Variants in SDK1 observed in about 807,000 individuals in gnomAD.
SDK1 encodes the protein protein sidekick-1.
SDK1 carries 157 observed loss-of-function variants against 245.5 expected under a neutral mutation model. That is an observed-to-expected ratio of 0.64 (90% CI 0.56 to 0.73). SDK1 has a LOEUF of 0.73. Among genes scored for constraint, SDK1 ranks in the 30% least tolerant of loss-of-function variants. The pLI is 0.00. For missense variants in SDK1, 3,583 were observed against 3,002.3 expected (o/e 1.19, Z -4.52); for synonymous variants, 1,647 against 1,278.5 (o/e 1.29, Z -6.15).
At chr7:3,327,005 C>G (rs1156831405) in intron 1 of SDK1, among the ~76,000 whole-genome samples, 5 of 152,118 alleles carry the variant, frequency 3.3e-5, no homozygotes, top group Admixed American at 2.6e-4. Context: ...TAATTTAGCT[C>G]TTAGGTTGAA....
intron 1 of SDK1, among the ~76,000 whole-genome samples, chr7:3,465,861 G>T (rs1336291973): frequency 6.6e-6 from 1 of 152,158 alleles, no homozygotes; most frequent in Admixed American, 6.5e-5. Context: ...CAGCCATAGG[G>T]ACGTGCAGAG....
At chr7:3,577,259 C>T (rs1780324465) in intron 1 of SDK1, among the ~76,000 whole-genome samples, 1 of 152,070 alleles carries the variant, frequency 6.6e-6, no homozygotes, top group Admixed American at 6.5e-5. Context: ...GTCCCAGTAA[C>T]AATGAGAATA....
In SDK1 at chr7:4,260,541, T is replaced by C. The variant is rs1351263765; in HGVS notation, c.6382-4583T>C. 2.1e-5 allele frequency among the ~76,000 whole-genome samples: 2 copies of C among 94,634 alleles called. 1 individual carries two copies. Among genetic ancestry groups the C allele is most frequent in the African/African-American group, 8.7e-5 (2 of 23,074 alleles). 62.1% of individuals were successfully genotyped at this position (94,634 alleles called of 152,430 possible). On this transcript the variant is annotated intron_variant, in intron 44 of 44. Coordinates refer to ENST00000404826, the MANE Select transcript of SDK1 (RefSeq NM_152744.4). The stretch of plus-strand genomic sequence containing the variant: ...TCCGGGGTCTCTGTGTGTGGGAAGA[T>C]GTGTTCATCGTCACCTGATGGAGAA...
chr7:3,830,178 G>A (rs1779879516), intron 5 of SDK1, among the ~76,000 whole-genome samples: 1 of 152,120 alleles, frequency 6.6e-6, no homozygotes, highest in South Asian at 2.1e-4. Flanking sequence ...AGGGAGTAAG[G>A]CAAGCACTTG....
At chr7:3,911,992 C>A (rs1425839007) in intron 5 of SDK1, among the ~76,000 whole-genome samples, 2 of 152,014 alleles carry the variant, frequency 1.3e-5, no homozygotes, top group South Asian at 2.1e-4. Flanking sequence ...AGGGAAGGGG[C>A]CAACTTGAGC....
chr7:3,406,496 G>C (rs1010701414), intron 1 of SDK1, among the ~76,000 whole-genome samples: 9 of 152,282 alleles, frequency 5.9e-5, no homozygotes, highest in East Asian at 1.9e-4. Context: ...GACAGACCTT[G>C]TTTAAATCTT....
chr7:3,979,711 G>A (rs964051770), intron 13 of SDK1, among the ~76,000 whole-genome samples: 1 of 152,146 alleles, frequency 6.6e-6, no homozygotes, highest in African/African-American at 2.4e-5. Flanking sequence ...TGTTTTAGTA[G>A]CGTCTTTGCT....
Position 3,878,938 on chromosome 7 carries a change from A to G in SDK1, c.847+57355A>G, listed in dbSNP as rs543816601. Among the ~76,000 whole-genome samples, 5 of 152,310 alleles carry G rather than the reference A, an allele frequency of 3.3e-5. No homozygotes were observed. In the East Asian group the frequency reaches 7.7e-4, roughly 24 times the overall value. ...AGCCTGTGTAATCGCCACTCAGGTC[A>G]AGATAAAAAAAAATTTTAATTAACA... On this transcript the variant is annotated intron_variant, in intron 5 of 44. Coordinates refer to ENST00000404826, the MANE Select transcript of SDK1 (RefSeq NM_152744.4).
Position 3,786,216 on chromosome 7 carries a change from C to A in SDK1, c.714-35234C>A, listed in dbSNP as rs146340388. Reference sequence around the variant, plus strand: ...AAAGCATTTATGTACTGGACAGAAGCATGTCTTGGATGACTTAAAGTGCAG... The same window carrying A: ...AAAGCATTTATGTACTGGACAGAAGAATGTCTTGGATGACTTAAAGTGCAG... On this transcript the variant is annotated intron_variant, in intron 4 of 44. Coordinates refer to ENST00000404826, the MANE Select transcript of SDK1 (RefSeq NM_152744.4). Among the ~76,000 whole-genome samples the A allele has an allele frequency of 4.6e-5, 7 of 152,302 alleles. No individual in the cohort carries two copies. In the East Asian group the frequency reaches 1.4e-3, roughly 29 times the overall value.
At chr7:4,259,160 C>T in intron 44 of SDK1, among the ~76,000 whole-genome samples, 1 of 152,124 alleles carries the variant, frequency 6.6e-6, no homozygotes, top group Non-Finnish European at 1.5e-5. Context: ...TTAAACAGGC[C>T]AGGTGCAGGG....
At chr7:3,533,060 T>G (rs540241039) in intron 1 of SDK1, among the ~76,000 whole-genome samples, 15 of 152,334 alleles carry the variant, frequency 9.8e-5, no homozygotes, top group African/African-American at 3.6e-4. Context: ...TTCTATCAAA[T>G]TATACATGTA....
chr7:3,309,487 A>G (rs1779498177), intron 1 of SDK1, among the ~76,000 whole-genome samples: 1 of 151,014 alleles, frequency 6.6e-6, no homozygotes. Context: ...AATCAAAACC[A>G]GGTAATAGAA....
intron 1 of SDK1, among the ~76,000 whole-genome samples, chr7:3,354,986 C>T (rs189218943): frequency 1.3e-5 from 2 of 152,292 alleles, no homozygotes; most frequent in Non-Finnish European, 2.9e-5. Flanking sequence ...TGGGGAAGCT[C>T]TAATTATATG....
At chr7:3,459,666 A>G (rs1780775988) in intron 1 of SDK1, among the ~76,000 whole-genome samples, 1 of 152,164 alleles carries the variant, frequency 6.6e-6, no homozygotes, top group Non-Finnish European at 1.5e-5. Context: ...CACCCCATAA[A>G]TTGCTTCGTC....
chr7:3,443,531 C>G lies in SDK1; in HGVS notation c.298+141647C>G, dbSNP rs968335394. Among the ~76,000 whole-genome samples, 5 of 152,132 alleles carry G rather than the reference C, an allele frequency of 3.3e-5. No individual in the cohort carries two copies. The East Asian group carries it at 9.6e-4, about 29-fold the overall frequency. ...TGATGTGATCTGATTTTGTCACTAA[C>G]TGCTTATTAATGAAGGAGATGATGA... is the stretch of plus-strand genomic sequence containing the variant. On this transcript the variant is annotated intron_variant, in intron 1 of 44. Coordinates refer to ENST00000404826, the MANE Select transcript of SDK1 (RefSeq NM_152744.4).
At chr7:3,612,764 C>T (rs761958783) in intron 1 of SDK1, among the ~76,000 whole-genome samples, 6 of 152,160 alleles carry the variant, frequency 3.9e-5, no homozygotes, top group Non-Finnish European at 5.9e-5. Context: ...TAATAACCTG[C>T]CCTGGCTGAT....
intron 1 of SDK1, among the ~76,000 whole-genome samples, chr7:3,468,799 T>C (rs1781091684): frequency 6.6e-6 from 1 of 152,160 alleles, no homozygotes; most frequent in African/African-American, 2.4e-5. Flanking sequence ...ACTTCCCTAG[T>C]ATCTTTGGGT....
intron 1 of SDK1, among the ~76,000 whole-genome samples, chr7:3,613,240 A>G (rs1781662156): frequency 6.6e-6 from 1 of 152,182 alleles, no homozygotes; most frequent in Admixed American, 6.5e-5. Context: ...ATGAGGTAGT[A>G]GGCTCCAGCT....
rs993556165 is a variant in SDK1, at chr7:4,267,541, T to C, written c.*2157T>C. 4.1e-6 allele frequency: 4 copies of C among 985,458 alleles called. No homozygotes were observed. Among genetic ancestry groups the C allele is most frequent in the Non-Finnish European group, 4.8e-6 (4 of 829,954 alleles). The allele number at this position is 985,458 out of a possible 1,614,324, so 61.0% of individuals were successfully genotyped here. On this transcript the variant is annotated 3_prime_UTR_variant, in exon 45 of 45. Transcript: ENST00000404826. The stretch of plus-strand genomic sequence containing the variant: ...GGGCGGGAAGCCAGGATGTGAGCAC[T>C]GGAATTTCTTGGAAGAGAAGCGATA...
Sources: gnomAD v4.1 joint callset for allele counts (sites outside exome capture counted in the v4.1 genomes callset) on GRCh38, gnomAD v4.1.1 for gene constraint, MANE v1.5 for transcripts, NCBI Gene and HGNC (gene_info 2026-07-23, HGNC 2026-07-21) for gene names.